Variants in ARHGAP8 observed in about 807,000 individuals in gnomAD.
ARHGAP8 encodes the protein Rho GTPase activating protein 8.
Under a neutral mutation model 46.1 loss-of-function variants are expected in ARHGAP8, and 62 were observed. That is an observed-to-expected ratio of 1.34 (90% CI 1.10 to 1.66). The LOEUF (loss-of-function observed/expected upper bound fraction) is 1.66. ARHGAP8 is among the 40% of genes most tolerant of loss of function. The pLI is 0.00. For synonymous variants in ARHGAP8, 375 were observed against 243.1 expected (o/e 1.54, Z -5.05); for missense variants, 923 against 568.4 (o/e 1.62, Z -6.34).
In ARHGAP8 at chr22:44,862,349, G is replaced by C. The variant is rs2070534964; in HGVS notation, c.1056G>C (p.Trp352Cys). The C allele has an allele frequency of 6.2e-7, 1 of 1,613,928 alleles. No homozygotes were observed. Among genetic ancestry groups the C allele is most frequent in the Non-Finnish European group, 8.5e-7 (1 of 1,179,950 alleles). ...LACVFGLNLI[W>C]PSQGVSSLSA... ...GTGTCTTCGGGCTGAATTTGATCTG[G>C]CCATCCCAGGGGGTCTCCTCCCTGA... is the stretch of plus-strand genomic sequence containing the variant. Residue 352 changes from tryptophan (W) to cysteine (C), a missense_variant, in exon 12 of 12, where the codon TGG (tryptophan) becomes TGC (cysteine). By Grantham distance (215) the Trp-to-Cys change is radical. Transcript: ENST00000356099.
At chr22:44,816,038 C>T (rs1003057748) in intron 5 of ARHGAP8, among the ~76,000 whole-genome samples, 8 of 151,956 alleles carry the variant, frequency 5.3e-5, no homozygotes, top group African/African-American at 1.9e-4. Flanking sequence ...GAGGGCCTCC[C>T]TAGGATGAAG....
chr22:44,819,976 T>C (rs528154651), intron 5 of ARHGAP8, among the ~76,000 whole-genome samples: 4 of 152,294 alleles, frequency 2.6e-5, no homozygotes, highest in East Asian at 1.9e-4. Context: ...GGAGCCCAGA[T>C]TGGGCTCCGC....
chr22:44,793,971 G>T (rs1485410165), intron 2 of ARHGAP8, among the ~76,000 whole-genome samples: 1 of 152,220 alleles, frequency 6.6e-6, no homozygotes, highest in Non-Finnish European at 1.5e-5. Context: ...CCTCTCAGCT[G>T]CTGGGGAGAC....
intron 4 of ARHGAP8, among the ~76,000 whole-genome samples, chr22:44,813,286 A>G (rs1602212620): frequency 6.6e-6 from 1 of 151,890 alleles, no homozygotes; most frequent in East Asian, 1.9e-4. Context: ...ACATACACAC[A>G]TACACACCTG....
chr22:44,823,113 A>G (rs1930271025), intron 6 of ARHGAP8, among the ~76,000 whole-genome samples: 1 of 152,228 alleles, frequency 6.6e-6, no homozygotes, highest in South Asian at 2.1e-4. Context: ...GAAGGCTGGT[A>G]GCCTTGCAGG....
rs535842585 is a variant in ARHGAP8, at chr22:44,833,096, C to CTTTTCTTTTCTT, written c.596+7507_596+7508insCTTTTCTTTTTT. 6.1e-3 allele frequency among the ~76,000 whole-genome samples: 733 copies of CTTTTCTTTTCTT among 120,416 alleles called. 2 individuals are homozygous for CTTTTCTTTTCTT. Among genetic ancestry groups the CTTTTCTTTTCTT allele is most frequent in the Admixed American group, 0.01 (111 of 10,892 alleles). 79.0% of individuals were successfully genotyped at this position (120,416 alleles called of 152,430 possible). ...CATCTTTTTTCTTTTCTTTTCTTTTCTTTTTTTTTTTTTTTTTTGAGATAG... is the reference window on the plus strand; with the variant it reads ...CATCTTTTTTCTTTTCTTTTCTTTTCTTTTCTTTTCTTTTTTTTTTTTTTTTTTTTGAGATAG... On this transcript the variant is annotated intron_variant, in intron 7 of 11. Coordinates refer to ENST00000356099, the MANE Select transcript of ARHGAP8 (RefSeq NM_181335.3).
intron 8 of ARHGAP8, among the ~76,000 whole-genome samples, chr22:44,846,011 GC>G (rs3216833): frequency 0.52 from 78,629 of 151,246 alleles, 20,799 homozygotes; most frequent in East Asian, 0.73. Context: ...AGAAGTGAGT[GC>G]CCCCCCCCAT....
At chr22:44,828,480 C>T (rs1273505515) in intron 7 of ARHGAP8, among the ~76,000 whole-genome samples, 5 of 143,540 alleles carry the variant, frequency 3.5e-5, no homozygotes, top group Non-Finnish European at 6.0e-5. Flanking sequence ...AATGGAGTCT[C>T]ACTCTGTTGC....
intron 6 of ARHGAP8, 106 bp from the exon 7 acceptor site, chr22:44,825,377 G>A (rs1602229821): frequency 8.3e-7 from 1 of 1,211,118 alleles, no homozygotes; most frequent in Non-Finnish European, 1.2e-6. Flanking sequence ...CCAGAGGGAT[G>A]AGATGCCCAG....
At chr22:44,792,390 A>G (rs1927758212) in intron 2 of ARHGAP8, among the ~76,000 whole-genome samples, 1 of 152,126 alleles carries the variant, frequency 6.6e-6, no homozygotes, top group South Asian at 2.1e-4. Context: ...TTGGCAGAAC[A>G]GAGGCCTCTC....
intron 7 of ARHGAP8, among the ~76,000 whole-genome samples, chr22:44,844,214 T>C (rs2069900233): frequency 6.6e-6 from 1 of 152,068 alleles, no homozygotes; most frequent in Non-Finnish European, 1.5e-5. Flanking sequence ...TCGTGGTCTG[T>C]CCACTTTGGC....
chr22:44,834,267 G>A (rs886293057), intron 7 of ARHGAP8, among the ~76,000 whole-genome samples: 4 of 152,028 alleles, frequency 2.6e-5, no homozygotes, highest in Admixed American at 6.6e-5. Flanking sequence ...TGCAATGTAA[G>A]CATCTATGGC....
At chr22:44,851,760 G>A (rs900726432) in intron 10 of ARHGAP8, among the ~76,000 whole-genome samples, 1 of 152,072 alleles carries the variant, frequency 6.6e-6, no homozygotes, top group Non-Finnish European at 1.5e-5. Flanking sequence ...GATCACCTGA[G>A]CCTGGGAGTT....
chr22:44,859,935 A>G (rs915134651), intron 11 of ARHGAP8, 101 bp downstream of exon 11: 5 of 1,391,118 alleles, frequency 3.6e-6, no homozygotes, highest in South Asian at 1.3e-5. Context: ...GTCTGGGGTC[A>G]TGCCCTGCTT....
intron 1 of ARHGAP8, chr22:44,786,149 G>T: frequency 2.0e-6 from 1 of 493,666 alleles, no homozygotes. Context: ...CATAGTGGGT[G>T]CTCGGCTGAT....
At chr22:44,809,305 A>T (rs751320301) in intron 4 of ARHGAP8, 1 of 425,594 alleles carries the variant, frequency 2.3e-6, no homozygotes, top group Admixed American at 2.7e-5. Context: ...ACTTAAAAAC[A>T]TAAAAAGCCA....
chr22:44,845,315 T>A lies in ARHGAP8; in HGVS notation c.643T>A (p.Phe215Ile). 5 of 1,614,068 alleles carry A rather than the reference T, an allele frequency of 3.1e-6. No homozygotes were observed. The East Asian group carries it at 1.1e-4, about 36-fold the overall frequency. Residue 215 changes from phenylalanine (F) to isoleucine (I), a missense_variant, in exon 8 of 12, where the codon TTC (phenylalanine) becomes ATC (isoleucine). Phe to Ile is a conservative substitution (Grantham distance 21, BLOSUM62 0). Coordinates refer to ENST00000356099, the MANE Select transcript of ARHGAP8 (RefSeq NM_181335.3). The stretch of plus-strand genomic sequence containing the variant: ...CGAACTCATCCCCCCTGTGCTGAGG[T>A]TCACAGTGACGTACCTGAGAGAGAA... ...QGELIPPVLR[F>I]TVTYLREKGL...
intron 11 of ARHGAP8, 37 bp from the exon 12 acceptor site, chr22:44,862,238 T>G: frequency 6.4e-7 from 1 of 1,552,068 alleles, no homozygotes; most frequent in East Asian, 2.3e-5. Context: ...TGCCCCTTGG[T>G]GTTCACTCCC....
intron 7 of ARHGAP8, among the ~76,000 whole-genome samples, chr22:44,832,525 T>G (rs1043060027): frequency 1.3e-5 from 2 of 152,162 alleles, no homozygotes; most frequent in Non-Finnish European, 2.9e-5. Flanking sequence ...CACACCCGGT[T>G]GTCAATGTAA....
Sources: gnomAD v4.1 joint callset for allele counts (sites outside exome capture counted in the v4.1 genomes callset) on GRCh38, gnomAD v4.1.1 for gene constraint, MANE v1.5 for transcripts, NCBI Gene and HGNC (gene_info 2026-07-23, HGNC 2026-07-21) for gene names.